PARD3B: variants seen among roughly 807,000 people sequenced by gnomAD.
PARD3B encodes partitioning defective 3 homolog B.
In PARD3B, 103 loss-of-function variants were observed where a neutral mutation model predicts 130.2. The ratio of observed to expected loss-of-function variants is 0.79; its 90% confidence interval spans 0.67 to 0.93. The LOEUF is 0.93. PARD3B is among the 40% of genes least tolerant of loss of function. PARD3B has a pLI of 0.00. For synonymous variants in PARD3B, 583 were observed against 553.2 expected, an observed-to-expected ratio of 1.05 and a Z score of -0.76; for missense variants, 1,609 against 1,499.2, an observed-to-expected ratio of 1.07 and a Z score of -1.21.
At chr2:205,004,500 A>G (rs1695097075) in intron 3 of PARD3B, among the ~76,000 whole-genome samples, 1 of 152,204 alleles carries the variant, frequency 6.6e-6, no homozygotes, top group Non-Finnish European at 1.5e-5. Flanking sequence ...CAATAATGCT[A>G]TTGCACTGGG....
intron 14 of PARD3B, among the ~76,000 whole-genome samples, chr2:205,189,512 G>C (rs1228454054): frequency 6.6e-6 from 1 of 152,140 alleles, no homozygotes; most frequent in African/African-American, 2.4e-5. Flanking sequence ...TCTTTGGCCT[G>C]CTGTCAACTT....
In PARD3B at chr2:205,508,626, C is replaced by T. The variant is rs537191789; in HGVS notation, c.3180+8595C>T. On this transcript the variant is annotated intron_variant, in intron 21 of 22. Transcript: ENST00000406610. ...TCCATAGACTCCTGCAGTTGGGCTGCTGCCACACGATGGGCAATCCCTTCT... is the reference window on the plus strand; with the variant it reads ...TCCATAGACTCCTGCAGTTGGGCTGTTGCCACACGATGGGCAATCCCTTCT... Among the ~76,000 whole-genome samples the T allele has an allele frequency of 5.3e-5, 8 of 151,716 alleles. No homozygotes were observed. In the South Asian group the frequency reaches 1.7e-3, roughly 32 times the overall value.
chr2:205,124,353 G>T lies in PARD3B; in HGVS notation c.1192G>T (p.Val398Phe). 5 of 1,586,862 alleles carry T rather than the reference G, an allele frequency of 3.2e-6. No homozygotes were observed. In the South Asian group the frequency reaches 4.7e-5, roughly 15 times the overall value. The change falls in exon 9 of 23, where the codon GTT becomes TTT. Residue 398 changes from valine to phenylalanine, a missense_variant. Val to Phe is a conservative substitution (Grantham distance 50). Transcript: ENST00000406610. ...CCCTGAAGGACTTGGTTTCACTGTG[G>T]TTACCAGAGACTCTTCCATACATGG... Reference protein sequence around the residue: ...KGPEGLGFTVVTRDSSIHGPG... With the variant: ...KGPEGLGFTVFTRDSSIHGPG...
At chr2:205,320,179 G>A (rs72942229) in intron 18 of PARD3B, among the ~76,000 whole-genome samples, 5 of 1,470 alleles carry the variant, frequency 3.4e-3, no homozygotes, top group Admixed American at 0.036. Flanking sequence ...GAAAGAAAGA[G>A]AGAGAGAGAG....
At chr2:204,911,419 T>A (rs1321963290) in intron 2 of PARD3B, among the ~76,000 whole-genome samples, 1 of 152,222 alleles carries the variant, frequency 6.6e-6, no homozygotes, top group East Asian at 1.9e-4. Context: ...AAAACACTAG[T>A]TGCTGGAAAC....
intron 22 of PARD3B, among the ~76,000 whole-genome samples, chr2:205,567,579 C>T (rs1257532922): frequency 2.6e-5 from 4 of 151,000 alleles, no homozygotes; most frequent in Non-Finnish European, 5.9e-5. Context: ...GCCTCGGCCT[C>T]CCAAAGTGCT....
intron 19 of PARD3B, among the ~76,000 whole-genome samples, chr2:205,404,730 G>A (rs1304682229): frequency 6.6e-6 from 1 of 151,784 alleles, no homozygotes. Flanking sequence ...GTACAGACTG[G>A]TCTCTAATTC....
chr2:205,177,283 G>T (rs541202616), intron 13 of PARD3B, among the ~76,000 whole-genome samples: 33 of 151,898 alleles, frequency 2.2e-4, no homozygotes, highest in African/African-American at 7.5e-4. Context: ...TTAGAGAAAA[G>T]AAATAAAAAG....
chr2:204,576,091 A>T (rs2032243865), intron 1 of PARD3B, among the ~76,000 whole-genome samples: 1 of 152,192 alleles, frequency 6.6e-6, no homozygotes, highest in Admixed American at 6.5e-5. Context: ...GAGTTACTGA[A>T]GTAGCAACTA....
intron 3 of PARD3B, among the ~76,000 whole-genome samples, chr2:205,033,689 A>AT (rs1697586646): frequency 6.6e-6 from 1 of 152,162 alleles, no homozygotes; most frequent in East Asian, 1.9e-4. Flanking sequence ...GCATCTCAAA[A>AT]TTCTTTTTAA....
intron 16 of PARD3B, among the ~76,000 whole-genome samples, chr2:205,299,345 T>C (rs370598473): frequency 2.1e-4 from 32 of 152,122 alleles, no homozygotes; most frequent in Admixed American, 6.5e-4. Context: ...TTGAAGTAGG[T>C]ACTTTACATA....
chr2:205,185,485 C>T (rs1460201981), intron 13 of PARD3B, among the ~76,000 whole-genome samples: 1 of 152,098 alleles, frequency 6.6e-6, no homozygotes, highest in African/African-American at 2.4e-5. Context: ...ATGTGTCAGC[C>T]TTTTGTTGGT....
chr2:205,016,404 CT>C (rs1372643520), intron 3 of PARD3B, among the ~76,000 whole-genome samples: 1 of 152,154 alleles, frequency 6.6e-6, no homozygotes, highest in Non-Finnish European at 1.5e-5. Context: ...CTTCACGTGT[CT>C]TTCACTTACC....
intron 3 of PARD3B, among the ~76,000 whole-genome samples, chr2:204,971,382 C>T (rs1268418752): frequency 6.6e-6 from 1 of 152,146 alleles, no homozygotes; most frequent in Non-Finnish European, 1.5e-5. Flanking sequence ...CCTTTGAATT[C>T]TGACTACAAA....
At chr2:205,134,514 A>G (rs1359188011) in intron 10 of PARD3B, among the ~76,000 whole-genome samples, 3 of 151,224 alleles carry the variant, frequency 2.0e-5, no homozygotes, top group Non-Finnish European at 4.4e-5. Context: ...ACAGAGTGAG[A>G]CCCTGTCTCA....
At chr2:204,846,020 T>C (rs1271880309) in intron 2 of PARD3B, among the ~76,000 whole-genome samples, 1 of 151,896 alleles carries the variant, frequency 6.6e-6, no homozygotes, top group East Asian at 1.9e-4. Context: ...GGTCAAAGGA[T>C]TGGTATCTTG....
chr2:204,976,042 G>A (rs1014275402), intron 3 of PARD3B, among the ~76,000 whole-genome samples: 2 of 152,088 alleles, frequency 1.3e-5, no homozygotes, highest in Non-Finnish European at 2.9e-5. Flanking sequence ...GTAATATTCT[G>A]ACTTTATAAT....
chr2:205,398,207 A>G (rs1301941241), intron 18 of PARD3B, among the ~76,000 whole-genome samples: 1 of 152,156 alleles, frequency 6.6e-6, no homozygotes. Flanking sequence ...AGGCTAAGGC[A>G]GGAGAATCGC....
chr2:205,194,030 G>A (rs981403176), intron 15 of PARD3B, among the ~76,000 whole-genome samples: 5 of 152,186 alleles, frequency 3.3e-5, no homozygotes, highest in African/African-American at 4.8e-5. Flanking sequence ...ATACCCTAGA[G>A]CATCACTGCC....
Sources: allele counts gnomAD v4.1 joint callset (sites outside exome capture counted in the v4.1 genomes callset), GRCh38; gene constraint gnomAD v4.1.1; transcripts MANE v1.5; gene names NCBI Gene and HGNC (gene_info 2026-07-23, HGNC 2026-07-21).